RFK: variants seen among roughly 807,000 people sequenced by gnomAD.
The protein encoded by RFK is riboflavin kinase.
Under a neutral mutation model 17.6 loss-of-function variants are expected in RFK, and 4 were observed. The ratio of observed to expected loss-of-function variants is 0.23; its 90% confidence interval spans 0.11 to 0.52. The LOEUF (loss-of-function observed/expected upper bound fraction) is 0.52. Among genes scored for constraint, RFK ranks in the 20% least tolerant of loss-of-function variants. The pLI, the probability that RFK is intolerant of heterozygous loss-of-function variation, is 0.96. For synonymous variants in RFK, 59 were observed against 63.8 expected (o/e 0.92, Z 0.36); for missense variants, 189 against 187.7 (o/e 1.01, Z -0.04).
In RFK at chr9:76,394,192, T is replaced by C. The variant is rs900895751; in HGVS notation, c.-21A>G. 3.8e-6 allele frequency: 6 copies of C among 1,570,284 alleles called. No individual in the cohort carries two copies. Among genetic ancestry groups the C allele is most frequent in the Non-Finnish European group, 5.2e-6 (6 of 1,159,806 alleles). The stretch of plus-strand genomic sequence containing the variant: ...CTCATAATGCAGTCCGCTCGGGGAA[T>C]GGGCTGCGGCCCGGTCTGCGCGTCC... On this transcript the variant is annotated 5_prime_UTR_variant, in exon 1 of 4. Coordinates refer to ENST00000376736, the MANE Select transcript of RFK (RefSeq NM_018339.6).
chr9:76,393,187 A>C (rs1417786946), intron 1 of RFK, among the ~76,000 whole-genome samples: 1 of 150,582 alleles, frequency 6.6e-6, no homozygotes, highest in Non-Finnish European at 1.5e-5. Context: ...CCAGGTACTG[A>C]ATCACCTGAA....
At chr9:76,392,984 A>T (rs1438924895) in intron 1 of RFK, among the ~76,000 whole-genome samples, 1 of 152,116 alleles carries the variant, frequency 6.6e-6, no homozygotes, top group Non-Finnish European at 1.5e-5. Context: ...GACTCCTACA[A>T]CTTTGCCTGT....
intron 3 of RFK, 54 bp downstream of exon 3, chr9:76,388,500 G>A (rs752670684): frequency 1.8e-4 from 192 of 1,062,192 alleles, no homozygotes; most frequent in Admixed American, 2.1e-4. Context: ...AGTAGTGGTA[G>A]AGTTACCTGT....
At position 76,387,377 on chromosome 9, in the gene RFK, G is replaced by T. The variant is rs1455401330; in HGVS notation, c.*22C>A. On this transcript the variant is annotated 3_prime_UTR_variant, in exon 4 of 4. Transcript: ENST00000376736. The stretch of plus-strand genomic sequence containing the variant: ...ACAGAAACACTAGAAAACAGTGAAT[G>T]AATAAATAATACAATTTTTCATCAG... The T allele has an allele frequency of 1.3e-6, 2 of 1,592,762 alleles. No individual in the cohort carries two copies. Among genetic ancestry groups the T allele is most frequent in the Admixed American group, 1.7e-5 (1 of 59,346 alleles).
chr9:76,387,406 C>G lies in RFK; in HGVS notation c.461G>C (p.Gly154Ala). 2 of 1,605,056 alleles carry G rather than the reference C, an allele frequency of 1.2e-6. No homozygotes were observed. The highest frequency in any genetic ancestry group is 8.5e-7 in the Non-Finnish European group (1 of 1,176,038). ...AAATAATACAATTTTTCATCAGTGG[C>G]CATTCATTATTTTGCTTTTAGAAAC... ...FQVSKSKIMN[G>A]H Residue 154 changes from glycine to alanine, a missense_variant, in exon 4 of 4, where the codon GGC becomes GCC. This residue lies in a region of RFK where 95 missense variants were observed against 95.7 expected (regional missense o/e 0.99). Coordinates refer to ENST00000376736, the MANE Select transcript of RFK (RefSeq NM_018339.6).
At position 76,385,722 on chromosome 9, in the gene RFK, G is replaced by A. The variant is rs1015545306; in HGVS notation, c.*1677C>T. On this transcript the variant is annotated 3_prime_UTR_variant, in exon 4 of 4. Transcript: ENST00000376736. ...TGTAAAAGGACAATAACATATCAAA[G>A]AACTTTCACACACCTAAAGATAGCA... is the stretch of plus-strand genomic sequence containing the variant. 6.6e-6 allele frequency: 1 copy of A among 152,088 alleles called. No homozygotes were observed. Among genetic ancestry groups the A allele is most frequent in the African/African-American group, 2.4e-5 (1 of 41,418 alleles). 9.4% of individuals were successfully genotyped at this position (152,088 alleles called of 1,614,324 possible).
At chr9:76,388,725 A>T (rs1822776884) in intron 2 of RFK, 69 bp from the exon 3 acceptor site, 1 of 845,464 alleles carries the variant, frequency 1.2e-6, no homozygotes, top group East Asian at 2.5e-5. Flanking sequence ...ATACATCTTC[A>T]TGTTTATGGT....
chr9:76,393,765 T>A, intron 1 of RFK: 3 of 387,938 alleles, frequency 7.7e-6, no homozygotes, highest in Admixed American at 8.8e-5. Context: ...ACGTCTCTAA[T>A]GGGCAAGACA....
At chr9:76,391,114 TTTCC>T (rs900003196) in intron 2 of RFK, among the ~76,000 whole-genome samples, 6 of 152,228 alleles carry the variant, frequency 3.9e-5, no homozygotes, top group Non-Finnish European at 5.9e-5. Flanking sequence ...TTTCGATTGT[TTTCC>T]TTGTCTCCAA....
chr9:76,392,399 A>G lies in RFK; in HGVS notation c.234+19T>C. 6.2e-7 allele frequency: 1 copy of G among 1,613,142 alleles called. No homozygotes were observed. The highest frequency in any genetic ancestry group is 8.5e-7 in the Non-Finnish European group (1 of 1,179,394). On this transcript the variant is annotated intron_variant, in intron 2 of 3. Coordinates refer to ENST00000376736, the MANE Select transcript of RFK (RefSeq NM_018339.6). ...GTCATCATACCATTTTCGGTTACAGAGCAAAATATAATGCTTACCATAGAC... is the reference window on the plus strand; with the variant it reads ...GTCATCATACCATTTTCGGTTACAGGGCAAAATATAATGCTTACCATAGAC...
rs551031862 is a variant in RFK at position 76,392,649 on chromosome 9, G to C, written c.83-80C>G. 108 of 1,409,096 alleles carry C rather than the reference G, an allele frequency of 7.7e-5. No individual in the cohort carries two copies. The South Asian group carries it at 1.3e-3, about 16-fold the overall frequency. The allele number at this position is 1,409,096 out of a possible 1,614,324, so 87.3% of individuals were successfully genotyped here. A position where few individuals can be genotyped will look rare whatever the true frequency, so the allele number is the denominator to read the frequency against. ...TAGCCGAGTGCAGTGGCTCATGTCTGTAATTCTAGGACTTTGAGAGGCCAA... is the reference window on the plus strand; with the variant it reads ...TAGCCGAGTGCAGTGGCTCATGTCTCTAATTCTAGGACTTTGAGAGGCCAA... On this transcript the variant is annotated intron_variant, in intron 1 of 3. Coordinates refer to ENST00000376736, the MANE Select transcript of RFK (RefSeq NM_018339.6).
At position 76,393,231 on chromosome 9, in the gene RFK, G is replaced by A. The variant is rs533427207; in HGVS notation, c.83-662C>T. Among the ~76,000 whole-genome samples, 244 of 147,424 alleles carry A rather than the reference G, an allele frequency of 1.7e-3. 2 individuals carry two copies. The highest frequency in any genetic ancestry group is 5.6e-3 in the African/African-American group (225 of 40,092). On this transcript the variant is annotated intron_variant, in intron 1 of 3. Coordinates refer to ENST00000376736, the MANE Select transcript of RFK (RefSeq NM_018339.6). ...TTCTTTTTTTTTTTTTTTTGAGACG[G>A]TGTCTCACTCTGTCGCCCAGGCTGG...
chr9:76,394,162 G>A lies in RFK; in HGVS notation c.10C>T (p.Leu4=). 2 of 1,605,786 alleles carry A rather than the reference G, an allele frequency of 1.2e-6. No individual in the cohort carries two copies. The highest frequency in any genetic ancestry group is 1.7e-6 in the Non-Finnish European group (2 of 1,177,208). ...ACTTGACCCCGGCAGAAGTAAGGCA[G>A]GTGCCTCATAATGCAGTCCGCTCGG... MRH[L]PYFCRGQVVR... Residue 4 remains leucine (L), a synonymous_variant, in exon 1 of 4, where the codon CTG becomes TTG. Transcript: ENST00000376736.
rs1185814127 is a variant in RFK, at chr9:76,385,606, C to T, written c.*1793G>A. ...GGTACTACTGTAACTTCTTATAATA[C>T]ATAATATAAAAGTTTTTGAAAGATA... is the stretch of plus-strand genomic sequence containing the variant. On this transcript the variant is annotated 3_prime_UTR_variant, in exon 4 of 4. Transcript: ENST00000376736. 1 of 152,158 alleles carries T rather than the reference C, an allele frequency of 6.6e-6. No individual in the cohort carries two copies. The highest frequency in any genetic ancestry group is 2.4e-5 in the African/African-American group (1 of 41,436). 9.4% of individuals were successfully genotyped at this position (152,158 alleles called of 1,614,324 possible).
rs1209598840 is a variant in RFK at position 76,386,156 on chromosome 9, G to C, written c.*1243C>G. 6.6e-6 allele frequency: 1 copy of C among 152,048 alleles called. No individual in the cohort carries two copies. 9.4% of individuals were successfully genotyped at this position (152,048 alleles called of 1,614,324 possible). On this transcript the variant is annotated 3_prime_UTR_variant, in exon 4 of 4. Transcript: ENST00000376736. ...CTGTAGCAATGTACTGTTTGAGGGG[G>C]CCCAAAGCATCTGTAATCTTAATTT...
In RFK at chr9:76,386,699, A is replaced by AT. The variant is rs1384215435; in HGVS notation, c.*699dup. 2.0e-5 allele frequency: 3 copies of AT among 152,364 alleles called. No homozygotes were observed. The East Asian group carries it at 5.8e-4, about 29-fold the overall frequency. The allele number at this position is 152,364 out of a possible 1,614,324, so 9.4% of individuals were successfully genotyped here. A position where few individuals can be genotyped will look rare whatever the true frequency, so the allele number is the denominator to read the frequency against. On this transcript the variant is annotated 3_prime_UTR_variant, in exon 4 of 4. Coordinates refer to ENST00000376736, the MANE Select transcript of RFK (RefSeq NM_018339.6). ...CTCAGAATTGAAGCAGCTCTATACA[A>AT]TAATGAAGGTGGTACAATGATGTGA...
intron 2 of RFK, among the ~76,000 whole-genome samples, chr9:76,389,134 T>A (rs1822782415): frequency 2.0e-5 from 3 of 152,162 alleles, no homozygotes; most frequent in Non-Finnish European, 2.9e-5. Context: ...CAATGCAGCT[T>A]CCTGATCAGG....
intron 3 of RFK, 84 bp from the exon 4 acceptor site, chr9:76,387,613 A>C (rs1822756052): frequency 7.4e-7 from 1 of 1,346,610 alleles, no homozygotes. Context: ...AATCCTAAAA[A>C]CTCACAGGCT....
chr9:76,394,082 G>T lies in RFK; in HGVS notation c.82+8C>A, dbSNP rs771762977. On this transcript the variant is annotated splice_region_variant and intron_variant, in intron 1 of 3. Transcript: ENST00000376736. ...CGGCCCGGGGGACTCTGGCCGCCCT[G>T]CTCTCACCTGTGGGGATGCCCAGCT... The T allele has an allele frequency of 3.9e-5, 63 of 1,597,014 alleles. No homozygotes were observed. In the East Asian group the frequency reaches 5.2e-4, roughly 13 times the overall value.
Sources: gnomAD v4.1 joint callset for allele counts (sites outside exome capture counted in the v4.1 genomes callset) on GRCh38, gnomAD v4.1.1 for gene constraint, gnomAD v4.1.1 regional missense constraint, MANE v1.5 for transcripts, NCBI Gene and HGNC (gene_info 2026-07-23, HGNC 2026-07-21) for gene names.